The following KCNT2 variants were observed in gnomAD, a reference collection of about 807,000 sequenced individuals.
The protein encoded by KCNT2 is potassium channel subfamily T member 2.
A neutral mutation model predicts 153.8 loss-of-function variants in KCNT2; 67 were observed. The ratio of observed to expected loss-of-function variants is 0.44; its 90% confidence interval spans 0.36 to 0.53. The LOEUF is 0.53. Ranked by LOEUF, KCNT2 falls within the 20% of genes least tolerant of loss-of-function variation. The pLI, the probability that KCNT2 is intolerant of heterozygous loss-of-function variation, is 0.00. For missense variants in KCNT2, 975 were observed against 1,354.8 expected, an observed-to-expected ratio of 0.72 and a Z score of 4.40; for synonymous variants, 500 against 458.8, an observed-to-expected ratio of 1.09 and a Z score of -1.15.
chr1:196,252,333 A>T (rs1286467617), intron 26 of KCNT2, among the ~76,000 whole-genome samples: 1 of 151,738 alleles, frequency 6.6e-6, no homozygotes, highest in East Asian at 1.9e-4. Flanking sequence ...CTAAATTCTT[A>T]CATTGTAGAT....
chr1:196,443,736 T>C (rs926510258), intron 8 of KCNT2, among the ~76,000 whole-genome samples: 7 of 151,588 alleles, frequency 4.6e-5, no homozygotes, highest in African/African-American at 1.5e-4. Flanking sequence ...AACAATATTT[T>C]CTTGCCAACC....
chr1:196,608,178 C>T, intron 1 of KCNT2, 37 bp downstream of exon 1: 1 of 1,580,236 alleles, frequency 6.3e-7, no homozygotes, highest in African/African-American at 1.3e-5. Flanking sequence ...TCTTTTTCAG[C>T]AATATTTACA....
chr1:196,453,185 AGT>A (rs1406606376), intron 8 of KCNT2, among the ~76,000 whole-genome samples: 1 of 151,658 alleles, frequency 6.6e-6, no homozygotes, highest in Non-Finnish European at 1.5e-5. Context: ...GCTTTTGTGG[AGT>A]GTGTCAGCAG....
chr1:196,257,435 C>A (rs183895331), intron 26 of KCNT2: 16 of 968,766 alleles, frequency 1.7e-5, no homozygotes, highest in Non-Finnish European at 2.0e-5. Flanking sequence ...GATACTAACC[C>A]TATCTGAGTT....
At chr1:196,322,590 C>T (rs1484646225) in intron 19 of KCNT2, among the ~76,000 whole-genome samples, 4 of 151,832 alleles carry the variant, frequency 2.6e-5, no homozygotes, top group African/African-American at 9.7e-5. Context: ...TATAGAAATT[C>T]TCATAGCAAA....
chr1:196,435,204 G>A (rs1466243468), intron 8 of KCNT2, among the ~76,000 whole-genome samples: 1 of 95,254 alleles, frequency 1.0e-5, no homozygotes, highest in Non-Finnish European at 2.0e-5. Flanking sequence ...ACAGCATCTG[G>A]ATCTCATTTG....
rs561075647 is a variant in KCNT2, at chr1:196,447,014, T to C, written c.639-17257A>G. ...CATGGCTAGTATGAAAAGAATAATATAGTTCATTAATTGGCCTTCATTGTT... is the reference window on the plus strand; with the variant it reads ...CATGGCTAGTATGAAAAGAATAATACAGTTCATTAATTGGCCTTCATTGTT... On this transcript the variant is annotated intron_variant, in intron 8 of 27. Coordinates refer to ENST00000294725, the MANE Select transcript of KCNT2 (RefSeq NM_198503.5). 5.9e-5 allele frequency among the ~76,000 whole-genome samples: 9 copies of C among 151,714 alleles called. No individual in the cohort carries two copies. The South Asian group carries it at 1.5e-3, about 24-fold the overall frequency.
chr1:196,259,937 C>T (rs922654777), intron 25 of KCNT2, among the ~76,000 whole-genome samples: 3 of 151,764 alleles, frequency 2.0e-5, no homozygotes, highest in Non-Finnish European at 3.0e-5. Context: ...CTATTCTCAC[C>T]TACTTGATAA....
intron 25 of KCNT2, among the ~76,000 whole-genome samples, chr1:196,264,321 A>G (rs547491113): frequency 6.6e-6 from 1 of 152,298 alleles, no homozygotes; most frequent in East Asian, 1.9e-4. Flanking sequence ...GTCTTATTAT[A>G]CTAGAATTCT....
chr1:196,495,447 G>C (rs761485310), intron 1 of KCNT2, among the ~76,000 whole-genome samples: 1 of 151,804 alleles, frequency 6.6e-6, no homozygotes, highest in African/African-American at 2.4e-5. Flanking sequence ...TAATCTCACC[G>C]CTTCCTTTTT....
intron 1 of KCNT2, among the ~76,000 whole-genome samples, chr1:196,525,225 AT>A (rs199746758): frequency 4.6e-5 from 7 of 152,064 alleles, no homozygotes; most frequent in South Asian, 2.1e-4. Context: ...CGTAAAGCAA[AT>A]AAAAAAAAAA....
At chr1:196,253,120 A>C (rs1326661880) in intron 26 of KCNT2, among the ~76,000 whole-genome samples, 2 of 151,320 alleles carry the variant, frequency 1.3e-5, no homozygotes, top group Non-Finnish European at 3.0e-5. Flanking sequence ...ATCTGAAAAA[A>C]TTTTGGCCAT....
At chr1:196,245,781 T>C (rs1421123694) in intron 26 of KCNT2, among the ~76,000 whole-genome samples, 2 of 152,102 alleles carry the variant, frequency 1.3e-5, no homozygotes, top group East Asian at 3.9e-4. Context: ...AAACTGGCTA[T>C]ATGAAAGTAC....
chr1:196,374,680 G>T (rs1009112164), intron 13 of KCNT2, among the ~76,000 whole-genome samples: 5 of 151,746 alleles, frequency 3.3e-5, no homozygotes, highest in African/African-American at 1.2e-4. Context: ...TGCAAAAGAA[G>T]AGTGTTTTTA....
intron 5 of KCNT2, among the ~76,000 whole-genome samples, chr1:196,475,107 T>A (rs192791589): frequency 6.6e-6 from 1 of 152,356 alleles, no homozygotes; most frequent in Admixed American, 6.5e-5. Flanking sequence ...CTGTATTAAA[T>A]GTATTTTTAA....
In KCNT2 at chr1:196,240,400, A is replaced by C. The variant is rs1200702847; in HGVS notation, c.3212-4330T>G. 2.0e-5 allele frequency among the ~76,000 whole-genome samples: 3 copies of C among 152,032 alleles called. No homozygotes were observed. In the East Asian group the frequency reaches 5.8e-4, roughly 29 times the overall value. ...TTATTCTAATAAATAAATAACAAAT[A>C]TAATTTAAAAATAATATGTTCACAT... On this transcript the variant is annotated intron_variant, in intron 26 of 27. Coordinates refer to ENST00000294725, the MANE Select transcript of KCNT2 (RefSeq NM_198503.5).
At chr1:196,575,586 T>A (rs983774152) in intron 1 of KCNT2, among the ~76,000 whole-genome samples, 1 of 150,606 alleles carries the variant, frequency 6.6e-6, no homozygotes, top group Admixed American at 6.6e-5. Context: ...ATCTAACATA[T>A]ATTTACAATA....
At chr1:196,295,138 G>C in intron 22 of KCNT2, among the ~76,000 whole-genome samples, 1 of 151,386 alleles carries the variant, frequency 6.6e-6, no homozygotes, top group South Asian at 2.1e-4. Context: ...ATATATATAT[G>C]TGTATATATG....
intron 26 of KCNT2, among the ~76,000 whole-genome samples, chr1:196,240,957 A>C (rs74631980): frequency 0.05 from 7,535 of 152,076 alleles, 281 homozygotes; most frequent in Non-Finnish European, 0.071. Context: ...TGTGAGAGAT[A>C]TTGGTAGCAA....
Sources: allele counts gnomAD v4.1 joint callset (sites outside exome capture counted in the v4.1 genomes callset), GRCh38; gene constraint gnomAD v4.1.1; transcripts MANE v1.5; gene names NCBI Gene and HGNC (gene_info 2026-07-23, HGNC 2026-07-21).